The following RAB33A variants were observed in gnomAD, a reference collection of about 807,000 sequenced individuals.
The protein encoded by RAB33A is RAB33A, member RAS oncogene family.
RAB33A carries 6 observed loss-of-function variants against 12.0 expected under a neutral mutation model. The observed-to-expected ratio is 0.50, with a 90% CI of 0.27 to 0.99. The LOEUF (loss-of-function observed/expected upper bound fraction) is 0.99. Ranked by LOEUF, RAB33A falls within the 50% of genes least tolerant of loss-of-function variation. The probability of loss-of-function intolerance (pLI) is 0.11; values close to 1 mark genes in which losing one functional copy is unlikely to be tolerated. For missense variants in RAB33A, 109 were observed against 192.0 expected, an observed-to-expected ratio of 0.57 and a Z score of 2.55; for synonymous variants, 70 against 82.4, an observed-to-expected ratio of 0.85 and a Z score of 0.81.
chrX:130,182,732 C>T (rs111819096), intron 1 of RAB33A, among the ~76,000 whole-genome samples: 6 of 107,420 alleles, frequency 5.6e-5, no homozygotes, highest in African/African-American at 1.7e-4. Context: ...CTAGCCTGGG[C>T]AACAGGAACG....
chrX:130,117,573 G>GA, the RAB33A span, among the ~76,000 whole-genome samples: 7 of 107,286 alleles, frequency 6.5e-5, no homozygotes, highest in East Asian at 8.7e-4. Flanking sequence ...CATTTGAAAA[G>GA]AAAAAAAAAA....
chrX:130,161,918 T>C, the RAB33A span, among the ~76,000 whole-genome samples: 1 of 112,271 alleles, frequency 8.9e-6, no homozygotes, highest in African/African-American at 3.2e-5. Context: ...TCAGCCTTTT[T>C]TAATTTTTTA....
At chrX:130,144,323 A>G in the RAB33A span, among the ~76,000 whole-genome samples, 1 of 111,484 alleles carries the variant, frequency 9.0e-6, no homozygotes, top group Non-Finnish European at 1.9e-5. Context: ...ATTATTTAAA[A>G]TTCAATTGCC....
At chrX:130,123,841 A>G in the RAB33A span, among the ~76,000 whole-genome samples, 1 of 111,423 alleles carries the variant, frequency 9.0e-6, no homozygotes, top group African/African-American at 3.3e-5. Context: ...TGTCAGCACC[A>G]TCCTCTATGA....
At chrX:130,113,288 A>C in the RAB33A span, among the ~76,000 whole-genome samples, 1 of 108,122 alleles carries the variant, frequency 9.2e-6, no homozygotes, top group Non-Finnish European at 1.9e-5. Flanking sequence ...TCACTGTGTT[A>C]GTCAGGATGG....
the RAB33A span, chrX:130,136,879 G>A: frequency 1.3e-5 from 13 of 1,016,215 alleles, no homozygotes; most frequent in African/African-American, 2.1e-4. Context: ...TACACCCATG[G>A]TTCATTTTCA....
chrX:130,163,372 T>C, the RAB33A span, among the ~76,000 whole-genome samples: 1 of 109,623 alleles, frequency 9.1e-6, no homozygotes, highest in East Asian at 2.8e-4. Context: ...CGAACCTTGC[T>C]CTTTCCCACC....
the RAB33A span, among the ~76,000 whole-genome samples, chrX:130,156,044 T>C: frequency 1.8e-5 from 2 of 111,981 alleles, no homozygotes; most frequent in Non-Finnish European, 3.8e-5. Context: ...TGTTGTTTTT[T>C]TAATGTGAAC....
upstream of RAB33A, chrX:130,171,917 C>G (rs1000161710): frequency 1.4e-5 from 10 of 703,223 alleles, no homozygotes; most frequent in Admixed American, 1.3e-4. Flanking sequence ...GCACACGGTG[C>G]CGGCGCACGC....
At chrX:130,181,044 C>T (rs939367075) in intron 1 of RAB33A, among the ~76,000 whole-genome samples, 1 of 90,765 alleles carries the variant, frequency 1.1e-5, no homozygotes, top group African/African-American at 4.8e-5. Context: ...AGCAAGCAAG[C>T]GAGCAGTGTT....
At chrX:130,112,421 A>T in the RAB33A span, among the ~76,000 whole-genome samples, 5 of 111,831 alleles carry the variant, frequency 4.5e-5, no homozygotes, top group African/African-American at 1.6e-4. Flanking sequence ...GCGTGCACAC[A>T]CACACACTTT....
the RAB33A span, chrX:130,133,531 G>C: frequency 1.8e-6 from 2 of 1,131,546 alleles, no homozygotes; most frequent in Non-Finnish European, 2.4e-6. Flanking sequence ...ATAAACTTTG[G>C]GGGCTCAAAG....
At chrX:130,175,592 G>A (rs2031657276) in intron 1 of RAB33A, among the ~76,000 whole-genome samples, 1 of 107,698 alleles carries the variant, frequency 9.3e-6, no homozygotes, top group Admixed American at 1.0e-4. Context: ...GGCCTCCTGG[G>A]TTCAAGCAGT....
chrX:130,150,625 G>A, the RAB33A span, among the ~76,000 whole-genome samples: 45 of 104,609 alleles, frequency 4.3e-4, no homozygotes, highest in Non-Finnish European at 7.6e-4. Context: ...GTGAGCCACC[G>A]CGCCCGGCCT....
the RAB33A span, among the ~76,000 whole-genome samples, chrX:130,126,086 C>G: frequency 8.9e-6 from 1 of 112,522 alleles, no homozygotes; most frequent in East Asian, 2.8e-4. Context: ...CAAAGCCTGC[C>G]TCTTCTTCCC....
the RAB33A span, among the ~76,000 whole-genome samples, chrX:130,115,194 C>G: frequency 8.9e-6 from 1 of 111,846 alleles, no homozygotes; most frequent in African/African-American, 3.3e-5. Context: ...ATTTCTCCCT[C>G]CCTCTGCTCA....
At chrX:130,160,883 A>AAAATAAATAAATAAAT in the RAB33A span, among the ~76,000 whole-genome samples, 48 of 107,066 alleles carry the variant, frequency 4.5e-4, 1 homozygote, top group African/African-American at 1.5e-3. Flanking sequence ...TCTCTACTTA[A>AAAATAAATAAATAAAT]AAATAAATAA....
At chrX:130,163,879 G>C in the RAB33A span, among the ~76,000 whole-genome samples, 1 of 110,283 alleles carries the variant, frequency 9.1e-6, no homozygotes, top group Non-Finnish European at 1.9e-5. Context: ...GTTATCGCCG[G>C]GCGCGGTGGC....
At chrX:130,165,444 A>G in the RAB33A span, 2 of 652,790 alleles carry the variant, frequency 3.1e-6, no homozygotes, top group Non-Finnish European at 4.9e-6. Context: ...TCACGTGACT[A>G]TGTGTTAAGT....
Sources: allele counts gnomAD v4.1 joint callset (sites outside exome capture counted in the v4.1 genomes callset), GRCh38; gene constraint gnomAD v4.1.1; transcripts MANE v1.5; gene names NCBI Gene and HGNC (gene_info 2026-07-23, HGNC 2026-07-21).